TUBA4B: variants seen among roughly 807,000 people sequenced by gnomAD.
The protein encoded by TUBA4B is tubulin alpha 4b.
TUBA4B carries 13 observed loss-of-function variants against 18.4 expected under a neutral mutation model. The ratio of observed to expected loss-of-function variants is 0.71; its 90% CI spans 0.46 to 1.12. The LOEUF (loss-of-function observed/expected upper bound fraction) is 1.12. Among genes scored for constraint, TUBA4B ranks in the 50% most tolerant of loss-of-function variants. TUBA4B has a pLI of 0.00. For missense variants in TUBA4B, 244 were observed against 250.0 expected (o/e 0.98, Z 0.16); for synonymous variants, 101 against 99.1 (o/e 1.02, Z -0.11).
chr2:219,261,057 G>T (rs1559280191), intron 1 of TUBA4B, among the ~76,000 whole-genome samples: 1 of 151,562 alleles, frequency 6.6e-6, no homozygotes, highest in Non-Finnish European at 1.5e-5. Context: ...CCTCTTTTAA[G>T]TTAGAATTTT....
At chr2:219,260,538 C>T (rs530971478) in intron 1 of TUBA4B, among the ~76,000 whole-genome samples, 19 of 152,298 alleles carry the variant, frequency 1.2e-4, no homozygotes, top group Non-Finnish European at 2.4e-4. Flanking sequence ...GACATCTCCA[C>T]TTGAAAGCCC....
At position 219,271,191 on chromosome 2, in the gene TUBA4B, G is replaced by A. The variant is rs1466614355; in HGVS notation, c.218G>A (p.Gly73Asp). The A allele has an allele frequency of 3.9e-6, 4 of 1,038,288 alleles. 1 individual carries two copies. The highest frequency in any genetic ancestry group is 3.8e-5 in the South Asian group (3 of 79,022). The allele number at this position is 1,038,288 out of a possible 1,614,324, so 64.3% of individuals were successfully genotyped here. A position where few individuals can be genotyped will look rare whatever the true frequency, so the allele number is the denominator to read the frequency against. Residue 73 changes from glycine (G) to aspartate (D), a missense_variant, in exon 4 of 4, where the codon GGC becomes GAC. Transcript: ENST00000490341. ...KLADQCTGLQGFLVFHSLGRG... is the reference protein window; with the variant it reads ...KLADQCTGLQDFLVFHSLGRG... The stretch of plus-strand genomic sequence containing the variant: ...GCTGACCAGTGCACAGGACTTCAGG[G>A]CTTCCTGGTGTTCCACAGCCTTGGT...
At chr2:219,267,851 C>T (rs1477186768) in intron 2 of TUBA4B, among the ~76,000 whole-genome samples, 1 of 152,238 alleles carries the variant, frequency 6.6e-6, no homozygotes, top group Non-Finnish European at 1.5e-5. Context: ...GCGTGAGCCA[C>T]TGCACCCGGC....
At chr2:219,255,470 T>C (rs1951710827) in intron 1 of TUBA4B, among the ~76,000 whole-genome samples, 1 of 152,158 alleles carries the variant, frequency 6.6e-6, no homozygotes, top group South Asian at 2.1e-4. Context: ...TGACCTTAGA[T>C]GATCCACCTG....
At chr2:219,255,996 GCTT>G (rs72127312) in intron 1 of TUBA4B, among the ~76,000 whole-genome samples, 6,540 of 152,250 alleles carry the variant, frequency 0.043, 266 homozygotes, top group East Asian at 0.11. Context: ...GTATAATGAG[GCTT>G]CTTTGGGGAA....
chr2:219,272,158 GTGTC>G lies in TUBA4B; in HGVS notation c.*464_*467del. Reference sequence around the variant, plus strand: ...GGGATGAATACTAGGGGAATACTGTGTGTCTGTCCTACATAAAGTGCTGTGGCCT... The same window carrying G: ...GGGATGAATACTAGGGGAATACTGTGTGTCCTACATAAAGTGCTGTGGCCT... On this transcript the variant is annotated 3_prime_UTR_variant, in exon 4 of 4. Coordinates refer to ENST00000490341, the MANE Select transcript of TUBA4B (RefSeq NM_001355221.1). 1.6e-6 allele frequency: 1 copy of G among 626,058 alleles called. No individual in the cohort carries two copies. The highest frequency in any genetic ancestry group is 1.6e-5 in the South Asian group (1 of 61,044). 38.8% of individuals were successfully genotyped at this position (626,058 alleles called of 1,614,324 possible).
intron 1 of TUBA4B, among the ~76,000 whole-genome samples, chr2:219,262,294 G>A (rs6716253): frequency 0.072 from 11,009 of 152,260 alleles, 505 homozygotes; most frequent in South Asian, 0.18. Context: ...CAGCCTGGGC[G>A]ACAGAGCGAG....
chr2:219,270,418 G>C (rs568158670), intron 3 of TUBA4B, 83 bp downstream of exon 3: 25 of 680,298 alleles, frequency 3.7e-5, no homozygotes, highest in Non-Finnish European at 6.5e-5. Flanking sequence ...GATTGGGGAA[G>C]GACAGCTTCA....
intron 2 of TUBA4B, among the ~76,000 whole-genome samples, chr2:219,269,949 CA>C (rs1559282223): frequency 6.6e-6 from 1 of 152,098 alleles, no homozygotes; most frequent in Non-Finnish European, 1.5e-5. Context: ...GTGCTGCAGC[CA>C]ATTAGAACTC....
Position 219,264,075 on chromosome 2 carries a change from C to T in TUBA4B, c.13-2446C>T, listed in dbSNP as rs575989523. Among the ~76,000 whole-genome samples the T allele has an allele frequency of 1.6e-3, 240 of 152,288 alleles. 2 individuals carry two copies. The highest frequency in any genetic ancestry group is 8.4e-4 in the Non-Finnish European group (57 of 68,028). The stretch of plus-strand genomic sequence containing the variant: ...GGCCCCCAGCGGATGCCTGAAATGG[C>T]GGATAGTACTGAACCTTATGTACTG... On this transcript the variant is annotated intron_variant, in intron 1 of 3. Coordinates refer to ENST00000490341, the MANE Select transcript of TUBA4B (RefSeq NM_001355221.1).
chr2:219,270,124 C>T (rs1951816390), intron 2 of TUBA4B, 78 bp from the exon 3 acceptor site: 1 of 673,888 alleles, frequency 1.5e-6, no homozygotes, highest in Non-Finnish European at 2.7e-6. Context: ...CCCTTCAGGT[C>T]CCCTGGGGCT....
Position 219,257,043 on chromosome 2 carries a change from C to CTTTT in TUBA4B, c.12+3641_12+3644dup, listed in dbSNP as rs368841707. Among the ~76,000 whole-genome samples, 422 of 107,524 alleles carry CTTTT rather than the reference C, an allele frequency of 3.9e-3. 10 individuals carry two copies. Among genetic ancestry groups the CTTTT allele is most frequent in the African/African-American group, 7.3e-3 (204 of 27,840 alleles). The allele number at this position is 107,524 out of a possible 152,430, so 70.5% of individuals were successfully genotyped here. On this transcript the variant is annotated intron_variant, in intron 1 of 3. Coordinates refer to ENST00000490341, the MANE Select transcript of TUBA4B (RefSeq NM_001355221.1). The stretch of plus-strand genomic sequence containing the variant: ...TTCAGTTCTGTAAGACCCATTTTGG[C>CTTTT]TTTTTTTTTTTTTTTTTTTTAAGAT...
In TUBA4B at chr2:219,271,260, T is replaced by A; in HGVS notation, c.287T>A (p.Leu96His). ...GTCACCTCATTCCTGATGGAGTGGC[T>A]TTCTGTTAACTATGGCAAGAAATCC... ...SDVTSFLMEW[L>H]SVNYGKKSKL... Residue 96 changes from leucine (L) to histidine (H), a missense_variant, in exon 4 of 4, where the codon CTT (leucine) becomes CAT (histidine). Leu to His is a moderately conservative substitution (Grantham distance 99). Transcript: ENST00000490341. 1 of 1,425,790 alleles carries A rather than the reference T, an allele frequency of 7.0e-7. No individual in the cohort carries two copies. Among genetic ancestry groups the A allele is most frequent in the Non-Finnish European group, 9.9e-7 (1 of 1,008,562 alleles). The allele number at this position is 1,425,790 out of a possible 1,614,324, so 88.3% of individuals were successfully genotyped here.
At chr2:219,267,710 G>T (rs907864441) in intron 2 of TUBA4B, among the ~76,000 whole-genome samples, 2 of 151,754 alleles carry the variant, frequency 1.3e-5, no homozygotes, top group African/African-American at 2.4e-5. Context: ...GACTACAGGC[G>T]CTTGCCACCA....
Position 219,271,633 on chromosome 2 carries a change from T to C in TUBA4B, c.660T>C (p.Tyr220=), listed in dbSNP as rs1951827176. 4 of 1,613,862 alleles carry C rather than the reference T, an allele frequency of 2.5e-6. No individual in the cohort carries two copies. Among genetic ancestry groups the C allele is most frequent in the African/African-American group, 1.3e-5 (1 of 74,898 alleles). ...PMHQSSLQKR[Y]TTSSCWWQRL... ...ACCAGTCATCTCTGCAGAAAAGGTA[T>C]ACCACGAGCAGCTGTTGGTGGCAGA... Residue 220 remains tyrosine, a synonymous_variant, in exon 4 of 4, where the codon TAT becomes TAC. Coordinates refer to ENST00000490341, the MANE Select transcript of TUBA4B (RefSeq NM_001355221.1).
chr2:219,267,579 T>C (rs2125076942), intron 2 of TUBA4B, among the ~76,000 whole-genome samples: 1 of 150,014 alleles, frequency 6.7e-6, no homozygotes, highest in African/African-American at 2.4e-5. Context: ...GTTCTTTTTT[T>C]TGTTTTTTTT....
chr2:219,253,974 C>G, intron 1 of TUBA4B: 2 of 1,110,942 alleles, frequency 1.8e-6, no homozygotes, highest in Non-Finnish European at 2.4e-6. Flanking sequence ...GGCCCGCGTT[C>G]CCCGCTCGCC....
intron 1 of TUBA4B, chr2:219,253,811 G>T (rs1480001030): frequency 6.5e-7 from 1 of 1,530,782 alleles, no homozygotes; most frequent in East Asian, 2.4e-5. Context: ...CCAAAGGAGA[G>T]GGGCAATTAG....
At position 219,253,891 on chromosome 2, in the gene TUBA4B, C is replaced by A. The variant is rs559586186; in HGVS notation, c.12+472C>A. 12 of 1,418,466 alleles carry A rather than the reference C, an allele frequency of 8.5e-6. No individual in the cohort carries two copies. The East Asian group carries it at 1.7e-4, about 20-fold the overall frequency. 87.9% of individuals were successfully genotyped at this position (1,418,466 alleles called of 1,614,324 possible). A position where few individuals can be genotyped will look rare whatever the true frequency, so the allele number is the denominator to read the frequency against. On this transcript the variant is annotated intron_variant, in intron 1 of 3. Transcript: ENST00000490341. Reference sequence around the variant, plus strand: ...CCGGGCGGTGCGTCTCACGTTGAGTCGGGGTGACAGGTCTCAGTGAGAACT... The same window carrying A: ...CCGGGCGGTGCGTCTCACGTTGAGTAGGGGTGACAGGTCTCAGTGAGAACT...
Sources: allele counts gnomAD v4.1 joint callset (sites outside exome capture counted in the v4.1 genomes callset), GRCh38; gene constraint gnomAD v4.1.1; transcripts MANE v1.5; gene names NCBI Gene and HGNC (gene_info 2026-07-23, HGNC 2026-07-21).